MTUS1: variants seen among roughly 807,000 people sequenced by gnomAD.
MTUS1 encodes the protein microtubule associated scaffold protein 1, also known as microtubule-associated tumor suppressor 1.
A neutral mutation model predicts 120.8 loss-of-function variants in MTUS1; 109 were observed. The ratio of observed to expected loss-of-function variants is 0.90; its 90% CI spans 0.77 to 1.06. The LOEUF is 1.06. MTUS1 is among the 50% of genes least tolerant of loss of function. The probability of loss-of-function intolerance (pLI) is 0.00; values close to 1 mark genes in which losing one functional copy is unlikely to be tolerated. For synonymous variants in MTUS1, 737 were observed against 550.5 expected, an observed-to-expected ratio of 1.34 and a Z score of -4.74; for missense variants, 2,210 against 1,486.3, an observed-to-expected ratio of 1.49 and a Z score of -8.01.
At chr8:17,729,927 G>A (rs1307911400) in intron 3 of MTUS1, among the ~76,000 whole-genome samples, 3 of 145,754 alleles carry the variant, frequency 2.1e-5, no homozygotes, top group African/African-American at 5.1e-5. Context: ...AGTCACTAGG[G>A]AAATGCAAAT....
At chr8:17,693,939 G>T (rs1006618016) in intron 6 of MTUS1, among the ~76,000 whole-genome samples, 5 of 152,174 alleles carry the variant, frequency 3.3e-5, no homozygotes, top group Non-Finnish European at 7.3e-5. Flanking sequence ...TAGAAGCAAG[G>T]GAAAGGCTGG....
chr8:17,714,532 CAATAAA>C (rs1821937388), intron 5 of MTUS1, among the ~76,000 whole-genome samples: 1 of 152,106 alleles, frequency 6.6e-6, no homozygotes, highest in Non-Finnish European at 1.5e-5. Context: ...TAATAAACCC[CAATAAA>C]AGTCAGAAGT....
intron 2 of MTUS1, among the ~76,000 whole-genome samples, chr8:17,745,066 T>C (rs1286499730): frequency 2.0e-5 from 3 of 152,202 alleles, no homozygotes. Context: ...GTCCTCATAT[T>C]TGGGTCAGAA....
chr8:17,732,380 T>C (rs1168213964), intron 3 of MTUS1, among the ~76,000 whole-genome samples: 1 of 152,208 alleles, frequency 6.6e-6, no homozygotes, highest in Non-Finnish European at 1.5e-5. Context: ...TGGTTCCTCC[T>C]TTCTTCTTGA....
chr8:17,769,441 G>A (rs1966290), intron 1 of MTUS1, among the ~76,000 whole-genome samples: 78,487 of 148,498 alleles, frequency 0.53, 21,306 homozygotes, highest in Middle Eastern at 0.62. Context: ...TCCGCCTCCC[G>A]GGTTCACGCC....
chr8:17,717,810 G>T (rs3862100), intron 4 of MTUS1, among the ~76,000 whole-genome samples: 62,098 of 151,702 alleles, frequency 0.41, 14,213 homozygotes, highest in Middle Eastern at 0.59. Flanking sequence ...CCACTTTTCA[G>T]ACTCAATACA....
intron 12 of MTUS1, among the ~76,000 whole-genome samples, chr8:17,650,816 C>T (rs531219890): frequency 5.9e-5 from 9 of 152,304 alleles, no homozygotes; most frequent in Non-Finnish European, 8.8e-5. Context: ...TTGCTTTATT[C>T]GGAAATTCAA....
At chr8:17,670,644 G>T (rs1252698385) in intron 8 of MTUS1, among the ~76,000 whole-genome samples, 1 of 152,124 alleles carries the variant, frequency 6.6e-6, no homozygotes, top group South Asian at 2.1e-4. Flanking sequence ...CCAATATGGT[G>T]AATCCCTGTC....
rs61733696 is a variant in MTUS1, at chr8:17,755,009, A to C, written c.799T>G (p.Ser267Ala). 6.2e-7 allele frequency: 1 copy of C among 1,614,078 alleles called. No homozygotes were observed. The highest frequency in any genetic ancestry group is 1.7e-5 in the Admixed American group (1 of 60,034). ...VSDIGNQCAC[S>A]SGKVTSEYTD... ...TACTCACTGGTGACCTTTCCTGAAG[A>C]ACATGCACACTGATTTCCAATATCT... Residue 267 changes from serine (S) to alanine (A), a missense_variant, in exon 2 of 15, where the codon TCT (serine) becomes GCT (alanine). By Grantham distance (99) the Ser-to-Ala change is moderately conservative. Transcript: ENST00000693296.
chr8:17,665,331 G>A (rs1336802207), intron 8 of MTUS1, among the ~76,000 whole-genome samples: 1 of 152,160 alleles, frequency 6.6e-6, no homozygotes, highest in Admixed American at 6.5e-5. Flanking sequence ...CAAAAGGCCT[G>A]CACAATCAAA....
At chr8:17,655,669 A>G (rs1432407553) in intron 9 of MTUS1, among the ~76,000 whole-genome samples, 194 bp downstream of exon 9, 1 of 152,124 alleles carries the variant, frequency 6.6e-6, no homozygotes, top group African/African-American at 2.4e-5. Flanking sequence ...GGCTGCAGTG[A>G]GCCAAGATCA....
intron 6 of MTUS1, among the ~76,000 whole-genome samples, chr8:17,702,392 T>C (rs1035018340): frequency 1.4e-4 from 22 of 152,238 alleles, no homozygotes; most frequent in African/African-American, 5.1e-4. Context: ...TTAGTTTTTT[T>C]AATTGTGGCA....
intron 6 of MTUS1, among the ~76,000 whole-genome samples, chr8:17,689,078 G>T (rs1324107336): frequency 6.6e-6 from 1 of 152,148 alleles, no homozygotes; most frequent in Non-Finnish European, 1.5e-5. Context: ...GGGTGTGGTG[G>T]CACCTGCCTG....
At chr8:17,659,683 A>G (rs1809252778) in intron 8 of MTUS1, among the ~76,000 whole-genome samples, 1 of 152,132 alleles carries the variant, frequency 6.6e-6, no homozygotes, top group African/African-American at 2.4e-5. Flanking sequence ...GGCGACAGGG[A>G]AAGACTTCAT....
Position 17,755,101 on chromosome 8 carries a change from G to A in MTUS1, c.707C>T (p.Ser236Leu). 1 of 1,613,952 alleles carries A rather than the reference G, an allele frequency of 6.2e-7. No homozygotes were observed. Among genetic ancestry groups the A allele is most frequent in the Non-Finnish European group, 8.5e-7 (1 of 1,180,042 alleles). ...ESFENPQVTP[S>L]EAQDMTYTAF... ...TGTGTAAGTCATGTCTTGGGCTTCTGATGGTGTGACTTGAGGGTTTTCAAA... is the reference window on the plus strand; with the variant it reads ...TGTGTAAGTCATGTCTTGGGCTTCTAATGGTGTGACTTGAGGGTTTTCAAA... Residue 236 changes from serine (S) to leucine (L), a missense_variant, in exon 2 of 15, where the codon TCA becomes TTA. Physicochemically the swap from Ser to Leu is moderately radical, Grantham distance 145 (BLOSUM62 -2). Transcript: ENST00000693296.
chr8:17,746,244 G>A (rs575130016), intron 2 of MTUS1, among the ~76,000 whole-genome samples: 25 of 152,218 alleles, frequency 1.6e-4, no homozygotes, highest in African/African-American at 6.0e-4. Flanking sequence ...ATTGCCACGT[G>A]TACACTGGTA....
chr8:17,779,750 A>AG (rs1586362218), intron 1 of MTUS1, among the ~76,000 whole-genome samples: 2 of 152,216 alleles, frequency 1.3e-5, no homozygotes, highest in East Asian at 3.8e-4. Context: ...AAATGCCTCT[A>AG]AGAGATTCTT....
intron 1 of MTUS1, among the ~76,000 whole-genome samples, chr8:17,787,942 A>C (rs2051442442): frequency 6.6e-6 from 1 of 152,226 alleles, no homozygotes; most frequent in Admixed American, 6.5e-5. Flanking sequence ...CAACATGGTG[A>C]AACCCCACCT....
chr8:17,780,118 T>A (rs1161885596), intron 1 of MTUS1, among the ~76,000 whole-genome samples: 1 of 152,110 alleles, frequency 6.6e-6, no homozygotes, highest in Non-Finnish European at 1.5e-5. Flanking sequence ...TCTTGCAACA[T>A]CTGGTTGTTG....
Sources: allele counts gnomAD v4.1 joint callset (sites outside exome capture counted in the v4.1 genomes callset), GRCh38; gene constraint gnomAD v4.1.1; transcripts MANE v1.5; gene names NCBI Gene and HGNC (gene_info 2026-07-23, HGNC 2026-07-21).